The following PRKAA1 variants were observed in gnomAD, a reference collection of about 807,000 sequenced individuals.
The protein encoded by PRKAA1 is protein kinase AMP-activated catalytic subunit alpha 1, also known as 5'-AMP-activated protein kinase catalytic subunit alpha-1.
A neutral mutation model predicts 56.9 loss-of-function variants in PRKAA1; 23 were observed. The observed-to-expected ratio is 0.40, with a 90% CI of 0.29 to 0.57. PRKAA1 has a LOEUF of 0.57. PRKAA1 is among the 20% of genes least tolerant of loss of function. PRKAA1 has a pLI of 0.39. For missense variants in PRKAA1, 413 were observed against 679.7 expected, an observed-to-expected ratio of 0.61 and a Z score of 4.36; for synonymous variants, 226 against 227.0, an observed-to-expected ratio of 1.00 and a Z score of 0.04.
chr5:40,793,445 A>G (rs1476315939), intron 1 of PRKAA1, among the ~76,000 whole-genome samples: 2 of 152,200 alleles, frequency 1.3e-5, no homozygotes. Flanking sequence ...ATCACTCCGA[A>G]CTTCCAGCCT....
At chr5:40,768,533 T>C in intron 5 of PRKAA1, 1 of 974,818 alleles carries the variant, frequency 1.0e-6, no homozygotes, top group Non-Finnish European at 1.2e-6. Context: ...AGTTAATATT[T>C]AAAAAAAAGA....
intron 1 of PRKAA1, among the ~76,000 whole-genome samples, chr5:40,794,255 A>T (rs1744834244): frequency 6.6e-6 from 1 of 152,098 alleles, no homozygotes; most frequent in African/African-American, 2.4e-5. Context: ...GATGCTGAGC[A>T]TTTTTTCATG....
At chr5:40,795,036 A>ACACACAC (rs1554033959) in intron 1 of PRKAA1, among the ~76,000 whole-genome samples, 13 of 104,870 alleles carry the variant, frequency 1.2e-4, no homozygotes, top group Non-Finnish European at 2.4e-4. Context: ...CACACACACA[A>ACACACAC]AATGGAATAC....
intron 1 of PRKAA1, among the ~76,000 whole-genome samples, chr5:40,782,837 A>G (rs192800130): frequency 1.3e-5 from 2 of 152,296 alleles, no homozygotes; most frequent in Admixed American, 6.5e-5. Flanking sequence ...CCACCTGTAA[A>G]TAACAGAAGC....
chr5:40,769,875 C>CT (rs1273485524), intron 4 of PRKAA1, among the ~76,000 whole-genome samples: 1 of 88,378 alleles, frequency 1.1e-5, no homozygotes, highest in Non-Finnish European at 2.2e-5. Context: ...TGTTCTGATT[C>CT]TTTAAAAAAA....
chr5:40,779,561 T>C (rs1262770648), intron 1 of PRKAA1, among the ~76,000 whole-genome samples: 1 of 152,006 alleles, frequency 6.6e-6, no homozygotes, highest in Non-Finnish European at 1.5e-5. Flanking sequence ...CATGAAGAAA[T>C]AGATTAAAAA....
chr5:40,787,051 G>A (rs1744521826), intron 1 of PRKAA1, among the ~76,000 whole-genome samples: 1 of 151,664 alleles, frequency 6.6e-6, no homozygotes, highest in African/African-American at 2.4e-5. Flanking sequence ...AACATGAAAA[G>A]TATAAAACTC....
At chr5:40,795,008 T>TACACAC (rs201435537) in intron 1 of PRKAA1, among the ~76,000 whole-genome samples, 133 of 150,058 alleles carry the variant, frequency 8.9e-4, no homozygotes, top group African/African-American at 3.0e-3. Flanking sequence ...TACATATATA[T>TACACAC]ACACACACAC....
intron 1 of PRKAA1, among the ~76,000 whole-genome samples, chr5:40,780,313 C>T (rs1423466505): frequency 1.3e-5 from 2 of 152,232 alleles, no homozygotes; most frequent in East Asian, 3.9e-4. Context: ...TGCAAGGGAA[C>T]AATTTCACAG....
chr5:40,765,475 GA>G (rs1251906989), intron 6 of PRKAA1, among the ~76,000 whole-genome samples: 9 of 152,004 alleles, frequency 5.9e-5, no homozygotes, highest in East Asian at 5.8e-4. Context: ...GCAATGGGGG[GA>G]AAAAAGTTAT....
chr5:40,769,530 A>G (rs1257845195), intron 4 of PRKAA1, 27 bp from the exon 5 acceptor site: 1 of 1,527,262 alleles, frequency 6.5e-7, no homozygotes, highest in Non-Finnish European at 9.0e-7. Flanking sequence ...TCAGCTACTC[A>G]AAAGATTTCC....
chr5:40,775,622 G>A (rs1421468075), intron 2 of PRKAA1, 119 bp from the exon 3 acceptor site: 2 of 734,022 alleles, frequency 2.7e-6, no homozygotes, highest in Non-Finnish European at 4.4e-6. Context: ...AAAACTGCAG[G>A]AAACAAAAAT....
rs1743440951 is a variant in PRKAA1, at chr5:40,766,481, GTCA to G, written c.821+982_821+984del. ...TCACTCTAATTTGAGAAGAAAATTTGTCATCGTCATTTTTGTCTAATTTAAACT... is the reference window on the plus strand; with the variant it reads ...TCACTCTAATTTGAGAAGAAAATTTGTCGTCATTTTTGTCTAATTTAAACT... On this transcript the variant is annotated intron_variant, in intron 6 of 8. Coordinates refer to ENST00000397128, the MANE Select transcript of PRKAA1 (RefSeq NM_006251.6). Among the ~76,000 whole-genome samples, 5 of 152,240 alleles carry G rather than the reference GTCA, an allele frequency of 3.3e-5. No individual in the cohort carries two copies. The South Asian group carries it at 1.0e-3, about 32-fold the overall frequency.
At chr5:40,774,549 ATTTT>A (rs34814119) in intron 3 of PRKAA1, among the ~76,000 whole-genome samples, 4 of 125,078 alleles carry the variant, frequency 3.2e-5, no homozygotes, top group Non-Finnish European at 3.4e-5. Context: ...TCCAGGCAGA[ATTTT>A]TTTTTTTTTT....
At chr5:40,797,803 C>T (rs1034034179) in intron 1 of PRKAA1, among the ~76,000 whole-genome samples, 1 of 152,116 alleles carries the variant, frequency 6.6e-6, no homozygotes, top group East Asian at 1.9e-4. Flanking sequence ...CATCCCAGCC[C>T]CTCGTACCTA....
chr5:40,768,771 GT>G, intron 5 of PRKAA1: 2 of 1,322,290 alleles, frequency 1.5e-6, no homozygotes, highest in Non-Finnish European at 1.9e-6. Flanking sequence ...TTCAGCTTCT[GT>G]TTTCAATTTC....
Position 40,764,651 on chromosome 5 carries a change from GT to G in PRKAA1, c.1309-12del. ...ATATGGGTTTACAACCTAGCACATGGTATAACAAAAACCAAGTCAAAAGTAA... is the reference window on the plus strand; with the variant it reads ...ATATGGGTTTACAACCTAGCACATGGATAACAAAAACCAAGTCAAAAGTAA... On this transcript the variant is annotated splice_polypyrimidine_tract_variant and intron_variant, in intron 7 of 8. Transcript: ENST00000397128. The G allele has an allele frequency of 6.2e-7, 1 of 1,610,722 alleles. No individual in the cohort carries two copies. Among genetic ancestry groups the G allele is most frequent in the Admixed American group, 1.7e-5 (1 of 59,432 alleles).
At chr5:40,769,027 A>C (rs1008090840) in intron 5 of PRKAA1, 7 of 937,474 alleles carry the variant, frequency 7.5e-6, no homozygotes, top group African/African-American at 1.7e-5. Flanking sequence ...CATGAAACAT[A>C]AAGGTACTAC....
intron 3 of PRKAA1, among the ~76,000 whole-genome samples, chr5:40,774,034 T>C (rs940003584): frequency 7.9e-5 from 12 of 152,202 alleles, no homozygotes; most frequent in African/African-American, 2.9e-4. Context: ...GGAGCAAATA[T>C]CTGATCCAAG....
Sources: gnomAD v4.1 joint callset for allele counts (sites outside exome capture counted in the v4.1 genomes callset) on GRCh38, gnomAD v4.1.1 for gene constraint, MANE v1.5 for transcripts, NCBI Gene and HGNC (gene_info 2026-07-23, HGNC 2026-07-21) for gene names.